The following HSPA4L variants were observed in gnomAD, a reference collection of about 807,000 sequenced individuals.
HSPA4L encodes heat shock 70 kDa protein 4L.
Under a neutral mutation model 100.3 loss-of-function variants are expected in HSPA4L, and 48 were observed. That is an observed-to-expected ratio of 0.48 (90% CI 0.38 to 0.61). The LOEUF is 0.61. Ranked by LOEUF, HSPA4L falls within the 20% of genes least tolerant of loss-of-function variation. The pLI is 0.00. For synonymous variants in HSPA4L, 319 were observed against 328.2 expected, an observed-to-expected ratio of 0.97 and a Z score of 0.30; for missense variants, 886 against 988.6, an observed-to-expected ratio of 0.90 and a Z score of 1.39.
At chr4:127,829,183 A>G (rs1217347454) in intron 17 of HSPA4L, among the ~76,000 whole-genome samples, 1 of 152,178 alleles carries the variant, frequency 6.6e-6, no homozygotes, top group Non-Finnish European at 1.5e-5. Context: ...TAACTGGAAG[A>G]GAAATGCTCT....
chr4:127,826,268 A>G (rs1242528244), intron 16 of HSPA4L, among the ~76,000 whole-genome samples: 1 of 152,062 alleles, frequency 6.6e-6, no homozygotes, highest in Non-Finnish European at 1.5e-5. Context: ...AGCCAGGCAC[A>G]GTGGTATGTG....
intron 1 of HSPA4L, among the ~76,000 whole-genome samples, chr4:127,787,434 A>G (rs932804761): frequency 6.6e-6 from 1 of 152,192 alleles, no homozygotes; most frequent in Non-Finnish European, 1.5e-5. Context: ...TACACAAAGT[A>G]AGTCTCCCCC....
chr4:127,792,896 C>T (rs1560652103), intron 1 of HSPA4L, among the ~76,000 whole-genome samples: 2 of 152,136 alleles, frequency 1.3e-5, no homozygotes, highest in Non-Finnish European at 2.9e-5. Flanking sequence ...TTTCTGAACA[C>T]TTCAGAAAGA....
chr4:127,783,682 T>C (rs570463757), intron 1 of HSPA4L: 2 of 1,535,324 alleles, frequency 1.3e-6, no homozygotes, highest in Non-Finnish European at 1.7e-6. Flanking sequence ...TATGGAAAGG[T>C]AATTTGGCAT....
chr4:127,832,150 G>A (rs1342701343), intron 18 of HSPA4L, among the ~76,000 whole-genome samples: 2 of 152,108 alleles, frequency 1.3e-5, no homozygotes, highest in African/African-American at 4.8e-5. Context: ...GGAAATTGAA[G>A]AGCATTGTTT....
chr4:127,786,742 T>C (rs1732729539), intron 1 of HSPA4L, among the ~76,000 whole-genome samples: 1 of 152,256 alleles, frequency 6.6e-6, no homozygotes, highest in African/African-American at 2.4e-5. Context: ...GCTGGGATTA[T>C]AGGCGTGAAC....
intron 3 of HSPA4L, among the ~76,000 whole-genome samples, chr4:127,797,056 A>G (rs1733041349): frequency 1.3e-5 from 2 of 152,194 alleles, no homozygotes; most frequent in Admixed American, 1.3e-4. Flanking sequence ...GTTCTGACTA[A>G]AAGGTGGATG....
Position 127,840,610 on chromosome 4 carries a change from A to G in HSPA4L, c.*7736A>G, listed in dbSNP as rs1284503192. 5 of 152,248 alleles carry G rather than the reference A, an allele frequency of 3.3e-5. No homozygotes were observed. The highest frequency in any genetic ancestry group is 7.3e-5 in the Non-Finnish European group (5 of 68,040). 9.4% of individuals were successfully genotyped at this position (152,248 alleles called of 1,614,324 possible). ...AAGCATATAAAATATTTTCTATGTA[A>G]GTAAATTGCATCTTTATGCTAGTGA... is the stretch of plus-strand genomic sequence containing the variant. On this transcript the variant is annotated 3_prime_UTR_variant, in exon 19 of 19. Coordinates refer to ENST00000296464, the MANE Select transcript of HSPA4L (RefSeq NM_014278.4).
intron 1 of HSPA4L, among the ~76,000 whole-genome samples, chr4:127,786,681 A>G (rs939352121): frequency 6.6e-6 from 1 of 152,178 alleles, no homozygotes; most frequent in African/African-American, 2.4e-5. Flanking sequence ...TGCCTAGGCT[A>G]GTCTCGAACT....
chr4:127,801,366 C>A, intron 5 of HSPA4L, 129 bp downstream of exon 5: 1 of 652,222 alleles, frequency 1.5e-6, no homozygotes, highest in Non-Finnish European at 2.6e-6. Flanking sequence ...GAGTTGAAAG[C>A]TGCAGTGAGC....
At chr4:127,819,048 C>T (rs1232676462) in intron 13 of HSPA4L, among the ~76,000 whole-genome samples, 1 of 151,878 alleles carries the variant, frequency 6.6e-6, no homozygotes, top group African/African-American at 2.4e-5. Flanking sequence ...TGAAAAAAAT[C>T]ATTTCAGAAA....
intron 7 of HSPA4L, 54 bp downstream of exon 7, chr4:127,803,927 A>G: frequency 1.2e-6 from 2 of 1,606,726 alleles, no homozygotes; most frequent in Non-Finnish European, 1.7e-6. Flanking sequence ...TAATGTTTAG[A>G]TCACGTCTGA....
rs565086388 is a variant in HSPA4L, at chr4:127,838,450, T to C, written c.*5576T>C. On this transcript the variant is annotated 3_prime_UTR_variant, in exon 19 of 19. Transcript: ENST00000296464. ...CTCCAGTCAAAGAAACAAAGCTAAT[T>C]GAAATAATGTACATTTGGTTCAGTC... 6.6e-6 allele frequency: 1 copy of C among 152,300 alleles called. No individual in the cohort carries two copies. The highest frequency in any genetic ancestry group is 2.4e-5 in the African/African-American group (1 of 41,576). The allele number at this position is 152,300 out of a possible 1,614,324, so 9.4% of individuals were successfully genotyped here.
intron 10 of HSPA4L, among the ~76,000 whole-genome samples, chr4:127,806,710 A>G (rs1733368478): frequency 6.6e-6 from 1 of 152,012 alleles, no homozygotes; most frequent in African/African-American, 2.4e-5. Flanking sequence ...TTTATATTTC[A>G]AATATTTTAC....
At chr4:127,815,828 A>G (rs1008206419) in intron 12 of HSPA4L, among the ~76,000 whole-genome samples, 3 of 152,124 alleles carry the variant, frequency 2.0e-5, no homozygotes, top group Admixed American at 1.3e-4. Flanking sequence ...GCATAGTGGG[A>G]ATTATGTGAT....
At chr4:127,790,406 C>T (rs1364499838) in intron 1 of HSPA4L, among the ~76,000 whole-genome samples, 3 of 152,182 alleles carry the variant, frequency 2.0e-5, no homozygotes, top group African/African-American at 7.2e-5. Context: ...CCAACATCCA[C>T]ACATTACCAA....
At chr4:127,818,061 G>A (rs1040879118) in intron 12 of HSPA4L, among the ~76,000 whole-genome samples, 2 of 151,102 alleles carry the variant, frequency 1.3e-5, no homozygotes, top group African/African-American at 4.9e-5. Context: ...TGTAAATTTG[G>A]CTTGAGAACA....
At chr4:127,799,668 T>C (rs1383998588) in intron 4 of HSPA4L, among the ~76,000 whole-genome samples, 1 of 152,204 alleles carries the variant, frequency 6.6e-6, no homozygotes, top group African/African-American at 2.4e-5. Flanking sequence ...TATTTAATTA[T>C]ATTTTTCCTT....
chr4:127,797,837 A>G (rs368003983), intron 3 of HSPA4L, among the ~76,000 whole-genome samples: 75 of 152,122 alleles, frequency 4.9e-4, no homozygotes, highest in Middle Eastern at 3.4e-3. Flanking sequence ...TCCTGACCTC[A>G]TGATCTGCTC....
Sources: allele counts gnomAD v4.1 joint callset (sites outside exome capture counted in the v4.1 genomes callset), GRCh38; gene constraint gnomAD v4.1.1; transcripts MANE v1.5; gene names NCBI Gene and HGNC (gene_info 2026-07-23, HGNC 2026-07-21).